The following APLF variants were observed in gnomAD, a reference collection of about 807,000 sequenced individuals.
The protein encoded by APLF is aprataxin and PNKP like factor.
A neutral mutation model predicts 55.6 loss-of-function variants in APLF; 61 were observed. The observed-to-expected ratio is 1.10, with a 90% CI of 0.89 to 1.36. APLF has a LOEUF of 1.36. APLF is among the 40% of genes most tolerant of loss of function. APLF has a pLI of 0.00. For missense variants in APLF, 611 were observed against 602.5 expected (o/e 1.01, Z -0.15); for synonymous variants, 207 against 214.8 (o/e 0.96, Z 0.32).
intron 6 of APLF, among the ~76,000 whole-genome samples, chr2:68,527,646 C>T (rs1158227472): frequency 6.6e-6 from 1 of 151,510 alleles, no homozygotes; most frequent in Non-Finnish European, 1.5e-5. Flanking sequence ...GCGCTCCTCA[C>T]TTCCCAGACA....
intron 9 of APLF, among the ~76,000 whole-genome samples, chr2:68,569,675 G>T (rs906526681): frequency 6.6e-6 from 1 of 152,150 alleles, no homozygotes; most frequent in Non-Finnish European, 1.5e-5. Flanking sequence ...GAAGCCTGGA[G>T]ATTAGTTAGG....
intron 1 of APLF, among the ~76,000 whole-genome samples, chr2:68,476,751 C>T (rs1313139289): frequency 2.0e-5 from 3 of 152,004 alleles, no homozygotes; most frequent in Non-Finnish European, 4.4e-5. Context: ...GGCTTACTGT[C>T]ACACTTAAAA....
intron 7 of APLF, among the ~76,000 whole-genome samples, chr2:68,541,418 A>G (rs1670545623): frequency 6.6e-6 from 1 of 152,184 alleles, no homozygotes; most frequent in African/African-American, 2.4e-5. Context: ...TCAAAAATAA[A>G]TAACTAGCAA....
intron 2 of APLF, among the ~76,000 whole-genome samples, chr2:68,497,085 G>A (rs926492756): frequency 6.6e-6 from 1 of 152,130 alleles, no homozygotes; most frequent in Non-Finnish European, 1.5e-5. Flanking sequence ...CTGAGACTGG[G>A]TAATTTATAA....
intron 5 of APLF, among the ~76,000 whole-genome samples, chr2:68,516,935 TA>T: frequency 8.1e-6 from 1 of 123,766 alleles, no homozygotes; most frequent in East Asian, 2.1e-4. Flanking sequence ...ATATAATATA[TA>T]ATATAATATA....
At chr2:68,567,150 CATCTAG>C (rs1313836037) in intron 8 of APLF, among the ~76,000 whole-genome samples, 185 bp from the exon 9 acceptor site, 1 of 152,004 alleles carries the variant, frequency 6.6e-6, no homozygotes, top group African/African-American at 2.4e-5. Context: ...TCTATCTTTG[CATCTAG>C]AAATGTGCTT....
At chr2:68,486,279 G>T (rs1015477766) in intron 1 of APLF, among the ~76,000 whole-genome samples, 1 of 151,994 alleles carries the variant, frequency 6.6e-6, no homozygotes. Context: ...GTATTTTGAA[G>T]CCAAAATCTA....
In APLF at chr2:68,518,462, A is replaced by G. The variant is rs1291381935; in HGVS notation, c.622+4782A>G. On this transcript the variant is annotated intron_variant, in intron 5 of 9. Transcript: ENST00000303795. ...TATATAATAATATATTATATATTAT[A>G]TAACATATTAATAATACATAATAAC... is the stretch of plus-strand genomic sequence containing the variant. 5.2e-5 allele frequency among the ~76,000 whole-genome samples: 6 copies of G among 115,018 alleles called. No homozygotes were observed. In the East Asian group the frequency reaches 1.5e-3, roughly 28 times the overall value. 75.5% of individuals were successfully genotyped at this position (115,018 alleles called of 152,430 possible).
In APLF at chr2:68,511,349, TCA is replaced by T. The variant is rs1479810489; in HGVS notation, c.342-1728_342-1727del. 9.2e-5 allele frequency among the ~76,000 whole-genome samples: 14 copies of T among 151,876 alleles called. No individual in the cohort carries two copies. In the East Asian group the frequency reaches 2.7e-3, roughly 30 times the overall value. On this transcript the variant is annotated intron_variant, in intron 3 of 9. Transcript: ENST00000303795. The stretch of plus-strand genomic sequence containing the variant: ...TTTGAAGATAAAATAAAAATATATA[TCA>T]CAGTGACAGTGTTTTATATTTAAAT...
chr2:68,562,687 A>T (rs1039331423), intron 8 of APLF, among the ~76,000 whole-genome samples: 12 of 152,046 alleles, frequency 7.9e-5, no homozygotes, highest in African/African-American at 2.9e-4. Flanking sequence ...CTTGGCAAAA[A>T]AGCTATGAAC....
In APLF at chr2:68,529,434, A is replaced by G. The variant is rs1670180829; in HGVS notation, c.804+3192A>G. ...CATGGCCAGGACCTGCGGCGGAACC[A>G]GGAACAAAATACGCTTAGTGAGTTG... is the stretch of plus-strand genomic sequence containing the variant. On this transcript the variant is annotated intron_variant, in intron 6 of 9. Transcript: ENST00000303795. This position sits in a 1 kb window ranked among gnomAD's most constrained non-coding sequence, Gnocchi z 4.4. 16 of 1,202,192 alleles carry G rather than the reference A, an allele frequency of 1.3e-5. No individual in the cohort carries two copies. Among genetic ancestry groups the G allele is most frequent in the South Asian group, 5.6e-5 (2 of 35,780 alleles). 74.5% of individuals were successfully genotyped at this position (1,202,192 alleles called of 1,614,324 possible). A position where few individuals can be genotyped will look rare whatever the true frequency, so the allele number is the denominator to read the frequency against.
At chr2:68,508,274 A>G (rs1395562200) in intron 3 of APLF, among the ~76,000 whole-genome samples, 1 of 151,878 alleles carries the variant, frequency 6.6e-6, no homozygotes, top group African/African-American at 2.4e-5. Context: ...ATATAGATCA[A>G]GGAAATAGAA....
At chr2:68,507,782 A>G (rs1482268788) in intron 3 of APLF, among the ~76,000 whole-genome samples, 5 of 151,900 alleles carry the variant, frequency 3.3e-5, no homozygotes, top group African/African-American at 1.2e-4. Flanking sequence ...GCTGAATTTC[A>G]TTGCTGATGA....
At chr2:68,550,350 G>A (rs1446579285) in intron 8 of APLF, among the ~76,000 whole-genome samples, 3 of 152,010 alleles carry the variant, frequency 2.0e-5, no homozygotes, top group East Asian at 1.9e-4. Flanking sequence ...TCCTGCCTCA[G>A]CCTCCTGAGT....
chr2:68,528,250 C>G, intron 6 of APLF: 9 of 1,278,970 alleles, frequency 7.0e-6, no homozygotes, highest in Non-Finnish European at 9.8e-6. Context: ...CCTGCTGTCT[C>G]TTCTTTCTCC....
chr2:68,500,421 C>T (rs947983383), intron 2 of APLF, among the ~76,000 whole-genome samples: 1 of 152,162 alleles, frequency 6.6e-6, no homozygotes, highest in East Asian at 1.9e-4. Flanking sequence ...GGAAAACATA[C>T]TCAAACAGAA....
At position 68,485,616 on chromosome 2, in the gene APLF, C is replaced by T. The variant is rs116067751; in HGVS notation, c.97-4574C>T. On this transcript the variant is annotated intron_variant, in intron 1 of 9. Coordinates refer to ENST00000303795, the MANE Select transcript of APLF (RefSeq NM_173545.3). ...GTTGGGAAATAAACATCCTTTTATC[C>T]GTTCCTAACTTAATTTTTACATTGA... 5.4e-3 allele frequency among the ~76,000 whole-genome samples: 826 copies of T among 152,076 alleles called. 6 individuals carry two copies. Among genetic ancestry groups the T allele is most frequent in the African/African-American group, 0.019 (789 of 41,470 alleles).
At chr2:68,519,068 A>AATTAATAT (rs1558540251) in intron 5 of APLF, among the ~76,000 whole-genome samples, 18 of 117,304 alleles carry the variant, frequency 1.5e-4, no homozygotes, top group South Asian at 7.2e-4. Context: ...ATTAATATAT[A>AATTAATAT]ATAATAATAT....
At chr2:68,541,355 C>T (rs890047858) in intron 7 of APLF, among the ~76,000 whole-genome samples, 2 of 151,730 alleles carry the variant, frequency 1.3e-5, no homozygotes, top group African/African-American at 4.8e-5. Context: ...GGTGAAAAGG[C>T]AAGGCACAAA....
Sources: allele counts gnomAD v4.1 joint callset (sites outside exome capture counted in the v4.1 genomes callset), GRCh38; gene constraint gnomAD v4.1.1; non-coding constraint Gnocchi (gnomAD v3.1); transcripts MANE v1.5; gene names NCBI Gene and HGNC (gene_info 2026-07-23, HGNC 2026-07-21).